ATP13A2: variants seen among roughly 807,000 people sequenced by gnomAD.
ATP13A2 encodes polyamine-transporting ATPase 13A2.
A neutral mutation model predicts 138.3 loss-of-function variants in ATP13A2; 83 were observed. That is an observed-to-expected ratio of 0.60 (90% CI 0.50 to 0.72). The LOEUF (loss-of-function observed/expected upper bound fraction) is 0.72, where lower values mean the gene tolerates loss of function less well. Among genes scored for constraint, ATP13A2 ranks in the 30% least tolerant of loss-of-function variants. The pLI is 0.00. For missense variants in ATP13A2, 1,402 were observed against 1,606.4 expected, an observed-to-expected ratio of 0.87 and a Z score of 2.17; for synonymous variants, 663 against 699.0, an observed-to-expected ratio of 0.95 and a Z score of 0.81.
In ATP13A2 at chr1:16,993,702, T is replaced by C. The variant is rs763328279; in HGVS notation, c.1676A>G (p.His559Arg). 2 of 1,595,502 alleles carry C rather than the reference T, an allele frequency of 1.3e-6. No homozygotes were observed. The highest frequency in any genetic ancestry group is 2.3e-5 in the East Asian group (1 of 44,246). The stretch of plus-strand genomic sequence containing the variant: ...GGTGTCCTGGAGCCGGCTGAGGGCA[T>C]GGCAGGTGGCCAGTGCTCGGAGCAG... Reference protein sequence around the residue: ...GPLLRALATCHALSRLQDTPV... With the variant: ...GPLLRALATCRALSRLQDTPV... The change falls in exon 16 of 29, where the codon CAT becomes CGT. Residue 559 changes from histidine (H) to arginine (R), a missense_variant. Transcript: ENST00000326735.
chr1:16,993,779 C>A lies in ATP13A2; in HGVS notation c.1599G>T (p.Gly533=). Residue 533 remains glycine (G), a synonymous_variant, in exon 16 of 29, where the codon GGG becomes GGT. Transcript: ENST00000326735. ...CTGGGACCAGGGGCAGGAATGCCTG[C>A]CCCTTCAGGGGCACCACCCCCATCA... ...LDVMGVVPLK[G]QAFLPLVPEP... is the part of the protein sequence containing the mutation. The A allele has an allele frequency of 6.3e-7, 1 of 1,586,912 alleles. No individual in the cohort carries two copies.
chr1:17,001,192 T>G (rs1316681876), intron 8 of ATP13A2, among the ~76,000 whole-genome samples: 2 of 147,838 alleles, frequency 1.4e-5, no homozygotes, highest in Admixed American at 6.9e-5. Flanking sequence ...CCGAGGCAGG[T>G]GGGTCATCTG....
rs117561164 is a variant in ATP13A2, at chr1:17,001,365, T to A, written c.705+669A>T. 1.2e-3 allele frequency among the ~76,000 whole-genome samples: 175 copies of A among 149,862 alleles called. 2 individuals carry two copies. In the East Asian group the frequency reaches 0.025, roughly 21 times the overall value. On this transcript the variant is annotated intron_variant, in intron 8 of 28. Coordinates refer to ENST00000326735, the MANE Select transcript of ATP13A2 (RefSeq NM_022089.4). ...ATCACTTGAACCCAGGAGGTGGACA[T>A]CGCAGTGAGCCGAGATCACGCCATT...
Position 17,004,757 on chromosome 1 carries a change from G to C in ATP13A2, c.412C>G (p.Pro138Ala), listed in dbSNP as rs2077487451. The C allele has an allele frequency of 6.2e-7, 1 of 1,613,952 alleles. No individual in the cohort carries two copies. The highest frequency in any genetic ancestry group is 1.1e-5 in the South Asian group (1 of 91,092). Residue 138 changes from proline to alanine, a missense_variant, in exon 5 of 29, where the codon CCA becomes GCA. Transcript: ENST00000326735. This position sits in a 1 kb window ranked among gnomAD's most constrained non-coding sequence, Gnocchi z 4.1. The stretch of plus-strand genomic sequence containing the variant: ...GCCGTATCCTTCCAGGCACCCTCTG[G>C]TACCGCCCCAACTGCCGCCTGGCTC... ...GRSQAAVGAV[P>A]EGAWKDTAQL...
chr1:16,991,602 T>C, intron 20 of ATP13A2, 132 bp downstream of exon 20: 1 of 1,330,258 alleles, frequency 7.5e-7, no homozygotes. Flanking sequence ...ATTCACGAAA[T>C]GTTTAAAAAG....
chr1:17,005,223 G>T, intron 3 of ATP13A2, 151 bp from the exon 4 acceptor site: 1 of 1,448,214 alleles, frequency 6.9e-7, no homozygotes, highest in Non-Finnish European at 9.5e-7. Flanking sequence ...TCTGCCCAAT[G>T]CTCAGATGGG....
At position 16,999,187 on chromosome 1, in the gene ATP13A2, T is replaced by C. The variant is rs1443783612; in HGVS notation, c.1039+824A>G. 2.6e-5 allele frequency among the ~76,000 whole-genome samples: 4 copies of C among 151,046 alleles called. No homozygotes were observed. In the East Asian group the frequency reaches 5.9e-4, roughly 22 times the overall value. On this transcript the variant is annotated intron_variant, in intron 11 of 28. Transcript: ENST00000326735. ...CTTGAGGTCAGGAGTTCAAGACCAGTCTGACCAACGTGGTGAAACCCCATC... is the reference window on the plus strand; with the variant it reads ...CTTGAGGTCAGGAGTTCAAGACCAGCCTGACCAACGTGGTGAAACCCCATC...
At position 16,986,792 on chromosome 1, in the gene ATP13A2, C is replaced by T. The variant is rs369278996; in HGVS notation, c.3235+13G>A. 32 of 1,611,174 alleles carry T rather than the reference C, an allele frequency of 2.0e-5. No homozygotes were observed. The African/African-American group carries it at 3.9e-4, about 19-fold the overall frequency. On this transcript the variant is annotated intron_variant, in intron 27 of 28. Transcript: ENST00000326735. This position sits in a 1 kb window ranked among gnomAD's most constrained non-coding sequence, Gnocchi z 6.9. Reference sequence around the variant, plus strand: ...CCTCCGCCAGCATCTCCCGCCCGCGCCCGCAGTGGCACCATTGGTGTAGAG... The same window carrying T: ...CCTCCGCCAGCATCTCCCGCCCGCGTCCGCAGTGGCACCATTGGTGTAGAG...
intron 23 of ATP13A2, 136 bp from the exon 24 acceptor site, chr1:16,988,610 G>A (rs1174895738): frequency 4.9e-6 from 4 of 820,280 alleles, no homozygotes; most frequent in African/African-American, 1.7e-5. Flanking sequence ...GTGAATAGAT[G>A]CAATTATTAT....
chr1:17,008,783 AC>A (rs2077663648), intron 1 of ATP13A2, among the ~76,000 whole-genome samples: 2 of 151,986 alleles, frequency 1.3e-5, no homozygotes, highest in Non-Finnish European at 2.9e-5. Flanking sequence ...ACACGGTGAA[AC>A]CCTGTCTCTA....
At position 16,996,428 on chromosome 1, in the gene ATP13A2, AG is replaced by A; in HGVS notation, c.1263del (p.Tyr422IlefsTer5). 6.2e-7 allele frequency: 1 copy of A among 1,614,158 alleles called. No individual in the cohort carries two copies. The highest frequency in any genetic ancestry group is 2.2e-5 in the East Asian group (1 of 44,878). Reference sequence around the variant, plus strand: ...GCCACAAACTTCATGCTGTGTTTATAGAACTTGAAGTTGATGGGCCGGGGGT... The same window carrying A: ...GCCACAAACTTCATGCTGTGTTTATAAACTTGAAGTTGATGGGCCGGGGGT... ...ILHPRPINFKFYKHSMKFVAA... is the reference protein window; with the variant it reads ...ILHPRPINFKXYKHSMKFVAA... On this transcript the variant is annotated frameshift_variant, in exon 13 of 29. Coordinates refer to ENST00000326735, the MANE Select transcript of ATP13A2 (RefSeq NM_022089.4). LOFTEE classifies it high-confidence loss of function.
Position 16,993,626 on chromosome 1 carries a change from C to T in ATP13A2, c.1749+3G>A. On this transcript the variant is annotated splice_donor_region_variant and intron_variant, in intron 16 of 28. Coordinates refer to ENST00000326735, the MANE Select transcript of ATP13A2 (RefSeq NM_022089.4). ...AGGGGGCTGACCTGCTTGGCCTCCT[C>T]ACCCAGCCAGTAGACTCCACCATCT... is the stretch of plus-strand genomic sequence containing the variant. 1 of 1,576,178 alleles carries T rather than the reference C, an allele frequency of 6.3e-7. No homozygotes were observed. The highest frequency in any genetic ancestry group is 1.2e-5 in the South Asian group (1 of 86,234).
chr1:16,991,598 G>A lies in ATP13A2; in HGVS notation c.2251+136C>T, dbSNP rs56010635. 612 of 1,307,398 alleles carry A rather than the reference G, an allele frequency of 4.7e-4. 3 individuals are homozygous for A. In the African/African-American group the frequency reaches 6.2e-3, roughly 13 times the overall value. The allele number at this position is 1,307,398 out of a possible 1,614,324, so 81.0% of individuals were successfully genotyped here. A position where few individuals can be genotyped will look rare whatever the true frequency, so the allele number is the denominator to read the frequency against. ...CGGGGGGGATATTGTGAAGATTCAC[G>A]AAATGTTTAAAAAGGACCTGGCCTG... On this transcript the variant is annotated intron_variant, in intron 20 of 28. Coordinates refer to ENST00000326735, the MANE Select transcript of ATP13A2 (RefSeq NM_022089.4).
chr1:16,993,542 C>T (rs2077008436), intron 16 of ATP13A2, 87 bp downstream of exon 16: 2 of 1,320,762 alleles, frequency 1.5e-6, no homozygotes, highest in South Asian at 1.3e-5. Context: ...TAAGAGACCA[C>T]CCTGAAAGAT....
chr1:17,004,485 C>A lies in ATP13A2; in HGVS notation c.478-74G>T. 1 of 1,577,636 alleles carries A rather than the reference C, an allele frequency of 6.3e-7. No homozygotes were observed. Among genetic ancestry groups the A allele is most frequent in the East Asian group, 2.3e-5 (1 of 43,628 alleles). ...GAAGCAGTGTGCTTATGCTGGGAGC[C>A]GAGGGATGGGGGTAGGGGGCAGGGA... is the stretch of plus-strand genomic sequence containing the variant. On this transcript the variant is annotated intron_variant, in intron 5 of 28. Transcript: ENST00000326735. This position sits in a 1 kb window ranked among gnomAD's most constrained non-coding sequence, Gnocchi z 4.1.
rs376331099 is a variant in ATP13A2 at position 17,001,263 on chromosome 1, CA to C, written c.706-730del. On this transcript the variant is annotated intron_variant, in intron 8 of 28. Transcript: ENST00000326735. ...TGAATCCCCGTATCTACTAAAAATA[CA>C]AAAAAAAAAAAAAATTAGCTGGGCG... is the stretch of plus-strand genomic sequence containing the variant. 3.9e-3 allele frequency among the ~76,000 whole-genome samples: 481 copies of C among 123,940 alleles called. 3 individuals carry two copies. The highest frequency in any genetic ancestry group is 5.1e-3 in the Non-Finnish European group (309 of 60,542). 81.3% of individuals were successfully genotyped at this position (123,940 alleles called of 152,430 possible).
intron 20 of ATP13A2, among the ~76,000 whole-genome samples, chr1:16,991,123 G>C (rs1002305566): frequency 1.3e-5 from 2 of 152,034 alleles, no homozygotes; most frequent in Admixed American, 6.6e-5. Context: ...CTAATTTTTT[G>C]TATTTTTAGT....
At chr1:16,989,316 A>AC (rs775102872) in intron 23 of ATP13A2, among the ~76,000 whole-genome samples, 3 of 145,488 alleles carry the variant, frequency 2.1e-5, no homozygotes, top group Non-Finnish European at 3.0e-5. Context: ...GGCTCAAGCA[A>AC]CCCTCCTGCC....
chr1:16,998,454 C>T (rs2077224848), intron 11 of ATP13A2, among the ~76,000 whole-genome samples: 1 of 152,172 alleles, frequency 6.6e-6, no homozygotes, highest in South Asian at 2.1e-4. Flanking sequence ...AATCCACCCA[C>T]CTCTGCCTGC....
Sources: gnomAD v4.1 joint callset for allele counts (sites outside exome capture counted in the v4.1 genomes callset) on GRCh38, gnomAD v4.1.1 for gene constraint, Gnocchi (gnomAD v3.1) non-coding constraint, MANE v1.5 for transcripts, NCBI Gene and HGNC (gene_info 2026-07-23, HGNC 2026-07-21) for gene names.